The following SGCZ variants were observed in gnomAD, a reference collection of about 807,000 sequenced individuals.
The protein encoded by SGCZ is zeta-sarcoglycan.
Under a neutral mutation model 41.3 loss-of-function variants are expected in SGCZ, and 40 were observed. That is an observed-to-expected ratio of 0.97 (90% CI 0.75 to 1.26). The LOEUF (loss-of-function observed/expected upper bound fraction) is 1.26. Ranked by LOEUF, SGCZ falls within the 50% of genes most tolerant of loss-of-function variation. SGCZ has a pLI of 0.00. For missense variants in SGCZ, 552 were observed against 369.8 expected, an observed-to-expected ratio of 1.49 and a Z score of -4.04; for synonymous variants, 206 against 137.5, an observed-to-expected ratio of 1.50 and a Z score of -3.49.
chr8:14,866,199 T>G (rs985527096), intron 1 of SGCZ, among the ~76,000 whole-genome samples: 2 of 152,252 alleles, frequency 1.3e-5, no homozygotes, highest in Non-Finnish European at 2.9e-5. Flanking sequence ...TTTATGTATC[T>G]CTGATTTTGG....
At chr8:14,562,728 G>T (rs540844633) in intron 1 of SGCZ, among the ~76,000 whole-genome samples, 14 of 152,110 alleles carry the variant, frequency 9.2e-5, no homozygotes, top group Non-Finnish European at 1.8e-4. Flanking sequence ...CCAATAAATA[G>T]AATTGTAGAT....
chr8:14,159,392 G>C (rs988853681), intron 5 of SGCZ, among the ~76,000 whole-genome samples: 3 of 152,148 alleles, frequency 2.0e-5, no homozygotes, highest in African/African-American at 7.2e-5. Flanking sequence ...AATAAATCAT[G>C]AAGAGGACCG....
intron 2 of SGCZ, among the ~76,000 whole-genome samples, chr8:14,368,077 T>G (rs1159756048): frequency 6.6e-6 from 1 of 152,030 alleles, no homozygotes; most frequent in Admixed American, 6.6e-5. Context: ...TTTGAAAAGG[T>G]AAGTAATTTT....
chr8:14,426,355 G>C (rs910743728), intron 2 of SGCZ, among the ~76,000 whole-genome samples: 1 of 152,088 alleles, frequency 6.6e-6, no homozygotes, highest in African/African-American at 2.4e-5. Flanking sequence ...AGGGTCGTGA[G>C]AGTATTTCCC....
chr8:14,232,989 C>G (rs770935942), intron 4 of SGCZ, among the ~76,000 whole-genome samples: 18 of 151,974 alleles, frequency 1.2e-4, no homozygotes, highest in Non-Finnish European at 2.5e-4. Context: ...GGAACTTCTT[C>G]TTGTTTATGA....
In SGCZ at chr8:14,161,790, A is replaced by C. The variant is rs558835421; in HGVS notation, c.547+2790T>G. On this transcript the variant is annotated intron_variant, in intron 5 of 7. Coordinates refer to ENST00000382080, the MANE Select transcript of SGCZ (RefSeq NM_139167.4). ...AGAATAAATGCAATACTATGTGCAT[A>C]TATTTGAGACAGAGAAAGAAATGAA... Among the ~76,000 whole-genome samples the C allele has an allele frequency of 3.5e-3, 535 of 152,302 alleles. 2 individuals are homozygous for C. Among genetic ancestry groups the C allele is most frequent in the Non-Finnish European group, 6.3e-3 (427 of 68,028 alleles).
chr8:14,265,427 C>A (rs1799835188), intron 3 of SGCZ, among the ~76,000 whole-genome samples: 1 of 152,120 alleles, frequency 6.6e-6, no homozygotes, highest in South Asian at 2.1e-4. Context: ...CTGGAAAACG[C>A]TGGATCTCTA....
At chr8:14,621,110 TA>T (rs995150855) in intron 1 of SGCZ, among the ~76,000 whole-genome samples, 5 of 151,890 alleles carry the variant, frequency 3.3e-5, no homozygotes, top group African/African-American at 1.2e-4. Flanking sequence ...TATGCAGCCA[TA>T]AAAATGATGA....
intron 6 of SGCZ, among the ~76,000 whole-genome samples, chr8:14,105,094 ATG>A (rs1802161098): frequency 6.6e-6 from 1 of 152,112 alleles, no homozygotes; most frequent in Non-Finnish European, 1.5e-5. Flanking sequence ...ATTTACTGTT[ATG>A]TCTTTGTTAA....
chr8:14,617,848 T>TTG (rs1411380035), intron 1 of SGCZ, among the ~76,000 whole-genome samples: 1 of 57,452 alleles, frequency 1.7e-5, no homozygotes, highest in African/African-American at 5.4e-5. Context: ...TTTTGTGTGT[T>TTG]TATGTGTGTG....
chr8:15,115,870 A>G (rs1345527247), intron 1 of SGCZ, among the ~76,000 whole-genome samples: 1 of 152,234 alleles, frequency 6.6e-6, no homozygotes, highest in Non-Finnish European at 1.5e-5. Context: ...TGAAAATAAT[A>G]AAGTAATAAA....
At chr8:14,334,277 T>C (rs963198255) in intron 2 of SGCZ, among the ~76,000 whole-genome samples, 7 of 152,090 alleles carry the variant, frequency 4.6e-5, no homozygotes, top group African/African-American at 1.7e-4. Flanking sequence ...GCACTAAATA[T>C]ATTAATAATA....
At chr8:14,551,574 ATATATAATATATATAATATATATT>A (rs1803857436) in intron 2 of SGCZ, among the ~76,000 whole-genome samples, 1 of 22,348 alleles carries the variant, frequency 4.5e-5, no homozygotes, top group African/African-American at 2.9e-4. Context: ...TATATAATAT[ATATATAATATATATAATATATATT>A]ATATATATTA....
At chr8:14,645,283 C>A (rs556056617) in intron 1 of SGCZ, among the ~76,000 whole-genome samples, 2 of 150,852 alleles carry the variant, frequency 1.3e-5, no homozygotes, top group African/African-American at 4.9e-5. Flanking sequence ...TTTCTTATTG[C>A]GAATTATACC....
In SGCZ at chr8:14,181,502, G is replaced by A. The variant is rs75720565; in HGVS notation, c.425-16800C>T. Among the ~76,000 whole-genome samples the A allele has an allele frequency of 1.8e-3, 277 of 152,278 alleles. 3 individuals are homozygous for A. The highest frequency in any genetic ancestry group is 0.016 in the East Asian group (81 of 5,162). Reference sequence around the variant, plus strand: ...AGAACCAACATAAGCTCTTAAAGGCGTTACCTGTTGATATGGTTTGGCTGT... The same window carrying A: ...AGAACCAACATAAGCTCTTAAAGGCATTACCTGTTGATATGGTTTGGCTGT... On this transcript the variant is annotated intron_variant, in intron 4 of 7. Transcript: ENST00000382080.
chr8:14,861,099 G>C (rs1036819251), intron 1 of SGCZ, among the ~76,000 whole-genome samples: 1 of 152,152 alleles, frequency 6.6e-6, no homozygotes, highest in Non-Finnish European at 1.5e-5. Flanking sequence ...AGATGCGTAC[G>C]AGGTGAATGT....
chr8:14,929,459 G>A (rs756468036), intron 1 of SGCZ, among the ~76,000 whole-genome samples: 9 of 150,644 alleles, frequency 6.0e-5, no homozygotes, highest in African/African-American at 9.9e-5. Context: ...GTATCTTACC[G>A]AATGCCTGGG....
chr8:14,726,125 G>A (rs1810041006), intron 1 of SGCZ, among the ~76,000 whole-genome samples: 1 of 151,314 alleles, frequency 6.6e-6, no homozygotes. Context: ...CAGGCGTGGT[G>A]GCACGCACCT....
intron 1 of SGCZ, among the ~76,000 whole-genome samples, chr8:15,177,012 A>G (rs182584059): frequency 1.7e-4 from 26 of 152,348 alleles, no homozygotes; most frequent in Admixed American, 1.6e-3. Flanking sequence ...AAAAAAAGAA[A>G]AAGAAAAAGA....
Sources: gnomAD v4.1 joint callset for allele counts (sites outside exome capture counted in the v4.1 genomes callset) on GRCh38, gnomAD v4.1.1 for gene constraint, MANE v1.5 for transcripts, NCBI Gene and HGNC (gene_info 2026-07-23, HGNC 2026-07-21) for gene names.